MYOCD: variants seen among roughly 807,000 people sequenced by gnomAD.
The protein encoded by MYOCD is myocardin.
Under a neutral mutation model 96.1 loss-of-function variants are expected in MYOCD, and 32 were observed. The observed-to-expected ratio is 0.33, with a 90% confidence interval of 0.25 to 0.45. MYOCD has a LOEUF of 0.45. MYOCD is among the 20% of genes least tolerant of loss of function. The probability of loss-of-function intolerance (pLI) is 1.00; values close to 1 mark genes in which losing one functional copy is unlikely to be tolerated. For missense variants in MYOCD, 1,133 were observed against 1,200.6 expected, an observed-to-expected ratio of 0.94 and a Z score of 0.83; for synonymous variants, 469 against 469.0, an observed-to-expected ratio of 1.00 and a Z score of 0.00.
intron 1 of MYOCD, among the ~76,000 whole-genome samples, chr17:12,682,423 C>T (rs538982341): frequency 6.6e-6 from 1 of 152,124 alleles, no homozygotes; most frequent in Non-Finnish European, 1.5e-5. Flanking sequence ...AATAGCTTTC[C>T]CAAAGACCTA....
intron 4 of MYOCD, chr17:12,720,500 G>A (rs1010318400): frequency 6.6e-6 from 1 of 152,130 alleles, no homozygotes; most frequent in Middle Eastern, 3.4e-3. Context: ...CAATACCATA[G>A]AGCTACTACA....
At chr17:12,702,075 G>A (rs1462060809) in intron 1 of MYOCD, among the ~76,000 whole-genome samples, 1 of 152,024 alleles carries the variant, frequency 6.6e-6, no homozygotes, top group Non-Finnish European at 1.5e-5. Context: ...TGATATTATT[G>A]CTCAAATCCT....
intron 1 of MYOCD, among the ~76,000 whole-genome samples, chr17:12,673,098 T>C (rs1436690496): frequency 6.6e-6 from 1 of 152,126 alleles, no homozygotes; most frequent in East Asian, 1.9e-4. Context: ...CTATTCTGCC[T>C]TTTCTATTTC....
At chr17:12,725,009 G>C (rs1361241945) in intron 5 of MYOCD, among the ~76,000 whole-genome samples, 1 of 151,934 alleles carries the variant, frequency 6.6e-6, no homozygotes, top group East Asian at 1.9e-4. Context: ...TTCTTCCATA[G>C]TATCTATCTC....
rs534187572 is a variant in MYOCD at position 12,723,160 on chromosome 17, A to G, written c.415+152A>G. ...TTAGTCCAGTTAATTCTCCATAACCAGGGATCCTGGGCATTTGTTGCAATC... is the reference window on the plus strand; with the variant it reads ...TTAGTCCAGTTAATTCTCCATAACCGGGGATCCTGGGCATTTGTTGCAATC... On this transcript the variant is annotated intron_variant, in intron 5 of 13. Coordinates refer to ENST00000425538, the MANE Select transcript of MYOCD (RefSeq NM_001146312.3). The G allele has an allele frequency of 2.7e-5, 20 of 746,180 alleles. No homozygotes were observed. In the South Asian group the frequency reaches 3.9e-4, roughly 14 times the overall value. The allele number at this position is 746,180 out of a possible 1,614,324, so 46.2% of individuals were successfully genotyped here.
At chr17:12,738,347 G>T (rs2032404229) in intron 6 of MYOCD, among the ~76,000 whole-genome samples, 1 of 152,178 alleles carries the variant, frequency 6.6e-6, no homozygotes, top group Non-Finnish European at 1.5e-5. Context: ...TTTTGTCAGA[G>T]TTGAAACAGA....
In MYOCD at chr17:12,768,786, C is replaced by T. The variant is rs1479640425; in HGVS notation, c.*5142C>T. The T allele has an allele frequency of 1.3e-5, 2 of 151,594 alleles. No individual in the cohort carries two copies. The highest frequency in any genetic ancestry group is 2.9e-5 in the Non-Finnish European group (2 of 67,980). The allele number at this position is 151,594 out of a possible 1,614,324, so 9.4% of individuals were successfully genotyped here. ...GTGGGACCTTGTGGAGTGGTGTTTT[C>T]ACGTTGGTCTCTTTGGCTCAATTGA... On this transcript the variant is annotated 3_prime_UTR_variant, in exon 14 of 14. Coordinates refer to ENST00000425538, the MANE Select transcript of MYOCD (RefSeq NM_001146312.3).
Position 12,760,494 on chromosome 17 carries a change from A to G in MYOCD, c.2332-156A>G, listed in dbSNP as rs984462773. On this transcript the variant is annotated intron_variant, in intron 12 of 13. Transcript: ENST00000425538. ...TTAACTGTACACTTAAAAATGGTTG[A>G]TAGTAAATTTAAAGTTATGTGTATT... The G allele has an allele frequency of 1.3e-5, 8 of 634,812 alleles. No individual in the cohort carries two copies. In the Admixed American group the frequency reaches 1.9e-4, roughly 15 times the overall value. 39.3% of individuals were successfully genotyped at this position (634,812 alleles called of 1,614,324 possible).
At chr17:12,677,729 TATTA>T (rs1458051602) in intron 1 of MYOCD, among the ~76,000 whole-genome samples, 1 of 151,606 alleles carries the variant, frequency 6.6e-6, no homozygotes, top group Non-Finnish European at 1.5e-5. Flanking sequence ...AAAAAGTGTA[TATTA>T]ATTCTCATAT....
intron 1 of MYOCD, among the ~76,000 whole-genome samples, chr17:12,671,112 G>A (rs1403093032): frequency 6.6e-6 from 1 of 152,072 alleles, no homozygotes; most frequent in African/African-American, 2.4e-5. Flanking sequence ...GTCCATAACG[G>A]CAGAAATTAT....
chr17:12,670,265 C>T (rs1391735098), intron 1 of MYOCD, among the ~76,000 whole-genome samples: 1 of 152,202 alleles, frequency 6.6e-6, no homozygotes, highest in Non-Finnish European at 1.5e-5. Context: ...CCAATAGATG[C>T]AGGATCAGGC....
At chr17:12,691,644 G>T (rs1003594070) in intron 1 of MYOCD, among the ~76,000 whole-genome samples, 1 of 152,032 alleles carries the variant, frequency 6.6e-6, no homozygotes, top group Non-Finnish European at 1.5e-5. Context: ...CATTTAAAAA[G>T]ACATGCCCTT....
intron 1 of MYOCD, among the ~76,000 whole-genome samples, chr17:12,680,581 A>G (rs34321139): frequency 0.11 from 16,472 of 152,212 alleles, 1,586 homozygotes; most frequent in African/African-American, 0.26. Context: ...CTTTTCCCGG[A>G]GGCCCCTCCC....
At chr17:12,669,298 A>G (rs1254342127) in intron 1 of MYOCD, among the ~76,000 whole-genome samples, 2 of 152,118 alleles carry the variant, frequency 1.3e-5, no homozygotes, top group African/African-American at 2.4e-5. Context: ...GGAGAGAGAG[A>G]TCCATGAATG....
chr17:12,722,826 C>G (rs371209917), intron 4 of MYOCD, 21 bp from the exon 5 acceptor site: 10 of 1,594,014 alleles, frequency 6.3e-6, no homozygotes, highest in Non-Finnish European at 7.7e-6. Context: ...AGAACTGATC[C>G]TTTTCATTTC....
intron 10 of MYOCD, among the ~76,000 whole-genome samples, chr17:12,754,842 TCA>T (rs1460296414): frequency 3.9e-5 from 6 of 152,348 alleles, no homozygotes; most frequent in African/African-American, 1.4e-4. Flanking sequence ...ATGAGTAATC[TCA>T]GTTATTGCCA....
At chr17:12,687,750 T>C (rs1322611874) in intron 1 of MYOCD, among the ~76,000 whole-genome samples, 1 of 152,070 alleles carries the variant, frequency 6.6e-6, no homozygotes, top group African/African-American at 2.4e-5. Flanking sequence ...GGGGCACAAA[T>C]AGGTCAAGCA....
intron 1 of MYOCD, among the ~76,000 whole-genome samples, chr17:12,697,355 A>ATG: frequency 1.2e-5 from 1 of 86,022 alleles, no homozygotes; most frequent in African/African-American, 6.1e-5. Flanking sequence ...ATATATATAT[A>ATG]TATATTTTTT....
chr17:12,744,347 G>A lies in MYOCD; in HGVS notation c.882G>A (p.Gln294=), dbSNP rs765177459. ...ACGCTCGGCTGCTCCAGCAACAGCAGCTGTTCCTGCAGCTCCAAATCCTCA... is the reference window on the plus strand; with the variant it reads ...ACGCTCGGCTGCTCCAGCAACAGCAACTGTTCCTGCAGCTCCAAATCCTCA... ...SAYARLLQQQ[Q]LFLQLQILSQ... The change falls in exon 8 of 14, where the codon CAG becomes CAA. Residue 294 remains glutamine (Q), a synonymous_variant. Transcript: ENST00000425538. 1 of 1,614,214 alleles carries A rather than the reference G, an allele frequency of 6.2e-7. No individual in the cohort carries two copies. Among genetic ancestry groups the A allele is most frequent in the Non-Finnish European group, 8.5e-7 (1 of 1,180,040 alleles).
Sources: gnomAD v4.1 joint callset for allele counts (sites outside exome capture counted in the v4.1 genomes callset) on GRCh38, gnomAD v4.1.1 for gene constraint, MANE v1.5 for transcripts, NCBI Gene and HGNC (gene_info 2026-07-23, HGNC 2026-07-21) for gene names.